PARD3: variants seen among roughly 807,000 people sequenced by gnomAD.
PARD3 encodes the protein par-3 family cell polarity regulator, also known as partitioning defective 3 homolog.
In PARD3, 75 loss-of-function variants were observed where a neutral mutation model predicts 155.4. That is an observed-to-expected ratio of 0.48 (90% CI 0.40 to 0.58). PARD3 has a LOEUF of 0.58. Ranked by LOEUF, PARD3 falls within the 20% of genes least tolerant of loss-of-function variation. PARD3 has a pLI of 0.00. For missense variants in PARD3, 1,642 were observed against 1,721.7 expected (o/e 0.95, Z 0.82); for synonymous variants, 576 against 610.5 (o/e 0.94, Z 0.83).
At chr10:34,216,379 G>C (rs917360150) in intron 22 of PARD3, among the ~76,000 whole-genome samples, 1 of 152,332 alleles carries the variant, frequency 6.6e-6, no homozygotes, top group South Asian at 2.1e-4. Context: ...CAAATATGTT[G>C]CTTGGATTTT....
At chr10:34,335,433 T>C (rs1303149158) in intron 18 of PARD3, among the ~76,000 whole-genome samples, 2 of 152,040 alleles carry the variant, frequency 1.3e-5, no homozygotes, top group African/African-American at 2.4e-5. Flanking sequence ...TCCAAACTTA[T>C]AATAAGTCAT....
chr10:34,295,695 C>T (rs1015053705), intron 20 of PARD3, among the ~76,000 whole-genome samples: 20 of 152,162 alleles, frequency 1.3e-4, no homozygotes, highest in African/African-American at 3.6e-4. Context: ...AGTGTGTATA[C>T]TCATGACGTA....
At chr10:34,523,377 T>C (rs180732208) in intron 2 of PARD3, among the ~76,000 whole-genome samples, 23 of 152,348 alleles carry the variant, frequency 1.5e-4, no homozygotes, top group Non-Finnish European at 2.9e-4. Flanking sequence ...ATGGGTGTCA[T>C]TGGACACTCA....
intron 1 of PARD3, among the ~76,000 whole-genome samples, chr10:34,771,705 G>T (rs992899339): frequency 6.6e-6 from 1 of 152,172 alleles, no homozygotes; most frequent in Non-Finnish European, 1.5e-5. Flanking sequence ...GAAGCAAGAG[G>T]TGCTTAGACA....
intron 5 of PARD3, among the ~76,000 whole-genome samples, chr10:34,434,772 A>T (rs1170583507): frequency 6.6e-6 from 1 of 152,162 alleles, no homozygotes; most frequent in East Asian, 1.9e-4. Flanking sequence ...GAGGAGGAAA[A>T]AGTAAAGAAC....
At chr10:34,274,464 GTTCT>G (rs958293708) in intron 21 of PARD3, among the ~76,000 whole-genome samples, 2 of 152,084 alleles carry the variant, frequency 1.3e-5, no homozygotes, top group African/African-American at 4.8e-5. Context: ...AGGAAAATGA[GTTCT>G]TTCTTACATT....
intron 1 of PARD3, among the ~76,000 whole-genome samples, chr10:34,759,479 T>C (rs1035717282): frequency 6.6e-6 from 1 of 152,118 alleles, no homozygotes; most frequent in African/African-American, 2.4e-5. Flanking sequence ...ATTCCACGCA[T>C]CAACAAAAGG....
chr10:34,194,401 C>G (rs1352271624), intron 22 of PARD3, among the ~76,000 whole-genome samples: 2 of 152,052 alleles, frequency 1.3e-5, no homozygotes, highest in Non-Finnish European at 2.9e-5. Flanking sequence ...GTGGCCCGAG[C>G]CGCTCTTGTA....
Position 34,133,745 on chromosome 10 carries a change from G to A in PARD3, c.3420-2162C>T, listed in dbSNP as rs76402709. ...TACATATAATTCCACATATTTTGAA[G>A]AATCTCAAAGGTTTAAGCATCTAAA... On this transcript the variant is annotated intron_variant, in intron 22 of 24. Transcript: ENST00000374788. Among the ~76,000 whole-genome samples, 600 of 152,252 alleles carry A rather than the reference G, an allele frequency of 3.9e-3. 1 individual carries two copies. Among genetic ancestry groups the A allele is most frequent in the African/African-American group, 0.014 (570 of 41,536 alleles).
At chr10:34,772,667 G>A (rs1396368800) in intron 1 of PARD3, among the ~76,000 whole-genome samples, 6 of 151,644 alleles carry the variant, frequency 4.0e-5, no homozygotes, top group East Asian at 2.0e-4. Flanking sequence ...GGTGGTGGAC[G>A]CCTGTAACTC....
intron 1 of PARD3, among the ~76,000 whole-genome samples, chr10:34,782,605 A>C (rs1441501017): frequency 6.6e-6 from 1 of 152,190 alleles, no homozygotes; most frequent in African/African-American, 2.4e-5. Flanking sequence ...TCTACACATA[A>C]AACACTGTTA....
intron 3 of PARD3, among the ~76,000 whole-genome samples, chr10:34,492,630 A>T (rs2079993555): frequency 1.3e-5 from 2 of 152,234 alleles, no homozygotes; most frequent in Non-Finnish European, 2.9e-5. Context: ...GGCTATTAAA[A>T]TGTCTAAATT....
intron 2 of PARD3, among the ~76,000 whole-genome samples, chr10:34,679,497 T>C (rs1344262382): frequency 6.6e-6 from 1 of 152,130 alleles, no homozygotes; most frequent in African/African-American, 2.4e-5. Context: ...GCCCTCGGAG[T>C]GTGACTATTT....
intron 1 of PARD3, among the ~76,000 whole-genome samples, chr10:34,772,742 C>T (rs529063685): frequency 6.9e-6 from 1 of 145,860 alleles, no homozygotes; most frequent in East Asian, 2.0e-4. Flanking sequence ...TGCAGTGAGC[C>T]GAGATCGCAC....
chr10:34,759,555 A>C (rs1837178436), intron 1 of PARD3, among the ~76,000 whole-genome samples: 1 of 152,258 alleles, frequency 6.6e-6, no homozygotes, highest in Admixed American at 6.5e-5. Flanking sequence ...CATAGCAATC[A>C]AACATTCCGA....
intron 4 of PARD3, among the ~76,000 whole-genome samples, chr10:34,465,447 A>C (rs1242662000): frequency 1.3e-5 from 2 of 152,242 alleles, no homozygotes; most frequent in African/African-American, 2.4e-5. Context: ...GACATAACTA[A>C]GAAAGCATCT....
In PARD3 at chr10:34,374,875, A is replaced by G. The variant is rs759130227; in HGVS notation, c.1667T>C (p.Leu556Pro). Residue 556 changes from leucine (L) to proline (P), a missense_variant and splice_region_variant, in exon 11 of 25, where the codon CTG (leucine) becomes CCG (proline). By Grantham distance (98) the Leu-to-Pro change is moderately conservative. This residue lies in a region of PARD3 where 1,529 missense variants were observed against 1,587.3 expected (regional missense o/e 0.96). Transcript: ENST00000374788. ...TTCATCTACTCTAAATTTACACACC[A>G]GTTCCCTTGGGTGGAAGGCGTCTTC... ...RQEDAFHPRE[L>P]NAEPSQMQIP... The G allele has an allele frequency of 6.2e-7, 1 of 1,613,908 alleles. No homozygotes were observed. The highest frequency in any genetic ancestry group is 1.1e-5 in the South Asian group (1 of 91,044).
intron 1 of PARD3, among the ~76,000 whole-genome samples, chr10:34,718,821 G>T (rs561700647): frequency 6.6e-6 from 1 of 152,078 alleles, no homozygotes; most frequent in African/African-American, 2.4e-5. Flanking sequence ...AAAATTAGCC[G>T]GGCGTGGTGG....
At chr10:34,287,346 G>C (rs1427425810) in intron 20 of PARD3, among the ~76,000 whole-genome samples, 21 of 152,098 alleles carry the variant, frequency 1.4e-4, no homozygotes, top group Admixed American at 1.4e-3. Context: ...ATGTTGCCAT[G>C]TTGACTTACT....
Sources: allele counts gnomAD v4.1 joint callset (sites outside exome capture counted in the v4.1 genomes callset), GRCh38; gene constraint gnomAD v4.1.1; regional missense constraint gnomAD v4.1.1; transcripts MANE v1.5; gene names NCBI Gene and HGNC (gene_info 2026-07-23, HGNC 2026-07-21).